Variants in HAO1 observed in about 807,000 individuals in gnomAD.
HAO1 encodes 2-Hydroxyacid oxidase 1.
A neutral mutation model predicts 39.7 loss-of-function variants in HAO1; 34 were observed. The observed-to-expected ratio is 0.86, with a 90% CI of 0.65 to 1.14. The LOEUF (loss-of-function observed/expected upper bound fraction) is 1.14. Among genes scored for constraint, HAO1 ranks in the 50% most tolerant of loss-of-function variants. The probability of loss-of-function intolerance (pLI) is 0.00; values close to 1 mark genes in which losing one functional copy is unlikely to be tolerated. For synonymous variants in HAO1, 172 were observed against 173.2 expected, an observed-to-expected ratio of 0.99 and a Z score of 0.05; for missense variants, 479 against 464.5, an observed-to-expected ratio of 1.03 and a Z score of -0.29.
chr20:7,934,515 A>C lies in HAO1; in HGVS notation c.258T>G (p.Ala86=). 1 of 1,612,342 alleles carries C rather than the reference A, an allele frequency of 6.2e-7. No homozygotes were observed. Among genetic ancestry groups the C allele is most frequent in the Non-Finnish European group, 8.5e-7 (1 of 1,179,138 alleles). The change falls in exon 2 of 8, where the codon GCT becomes GCG. Residue 86 remains alanine, a synonymous_variant. Transcript: ENST00000378789. The part of the protein sequence containing the change: ...CVGATAMQRM[A]HVDGELATVR... ...CAGTGGCAAGCTCGCCGTCCACATG[A>C]GCCATGCGCTGCATGGCCGTAGCCC...
chr20:7,904,404 G>A (rs2050237928), intron 4 of HAO1, among the ~76,000 whole-genome samples: 1 of 152,174 alleles, frequency 6.6e-6, no homozygotes, highest in South Asian at 2.1e-4. Flanking sequence ...ACACTTCAGT[G>A]GTTCTCAGCC....
At chr20:7,935,906 G>T (rs2050407795) in intron 1 of HAO1, among the ~76,000 whole-genome samples, 1 of 151,948 alleles carries the variant, frequency 6.6e-6, no homozygotes, top group Non-Finnish European at 1.5e-5. Flanking sequence ...TATCTAACCA[G>T]CATTCACCTA....
chr20:7,900,655 G>C (rs1248728285), intron 4 of HAO1, among the ~76,000 whole-genome samples: 1 of 152,000 alleles, frequency 6.6e-6, no homozygotes, highest in Non-Finnish European at 1.5e-5. Flanking sequence ...CTGGCCATTC[G>C]CCCATCTCTC....
chr20:7,895,958 G>A (rs538883940), intron 4 of HAO1, among the ~76,000 whole-genome samples: 20 of 152,220 alleles, frequency 1.3e-4, no homozygotes, highest in Non-Finnish European at 2.4e-4. Flanking sequence ...TGTAGTCCCA[G>A]CTACTCAGGA....
chr20:7,910,078 T>A (rs931476663), intron 3 of HAO1, among the ~76,000 whole-genome samples: 3 of 152,220 alleles, frequency 2.0e-5, no homozygotes. Context: ...ATTTTATCGA[T>A]TGAGTCAACA....
chr20:7,937,407 G>A (rs2254923), intron 1 of HAO1, among the ~76,000 whole-genome samples: 11,156 of 151,734 alleles, frequency 0.074, 526 homozygotes, highest in East Asian at 0.2. Flanking sequence ...TTCACCTATT[G>A]TGGATACTAG....
At chr20:7,916,535 C>T (rs2050307796) in intron 2 of HAO1, among the ~76,000 whole-genome samples, 1 of 152,162 alleles carries the variant, frequency 6.6e-6, no homozygotes, top group African/African-American at 2.4e-5. Context: ...ATTTCTGGGT[C>T]CCACCCACAG....
intron 4 of HAO1, among the ~76,000 whole-genome samples, chr20:7,904,886 A>T (rs2050240141): frequency 6.6e-6 from 1 of 152,230 alleles, no homozygotes; most frequent in Non-Finnish European, 1.5e-5. Context: ...TAGCACTAGT[A>T]ATCATGGATA....
intron 4 of HAO1, among the ~76,000 whole-genome samples, chr20:7,904,371 A>T (rs2050237791): frequency 6.6e-6 from 1 of 152,214 alleles, no homozygotes. Context: ...TGCTTATATG[A>T]TGAGGTTGCT....
At chr20:7,930,066 C>T (rs905346783) in intron 2 of HAO1, among the ~76,000 whole-genome samples, 8 of 152,086 alleles carry the variant, frequency 5.3e-5, no homozygotes, top group Non-Finnish European at 5.9e-5. Context: ...CAGGCCAGAC[C>T]ATTGCCTGTG....
At chr20:7,927,274 T>C (rs79679610) in intron 2 of HAO1, among the ~76,000 whole-genome samples, 1,525 of 152,274 alleles carry the variant, frequency 0.01, 25 homozygotes, top group African/African-American at 0.033. Context: ...CCACCTATTT[T>C]ATATGTGTTA....
At chr20:7,910,605 C>G (rs1183410416) in intron 3 of HAO1, among the ~76,000 whole-genome samples, 4 of 152,128 alleles carry the variant, frequency 2.6e-5, no homozygotes, top group Non-Finnish European at 5.9e-5. Flanking sequence ...ATCTCTTTCT[C>G]TGACTCTGAC....
At position 7,883,368 on chromosome 20, in the gene HAO1, A is replaced by G. The variant is rs754640718; in HGVS notation, c.*225T>C. The G allele has an allele frequency of 9.1e-6, 5 of 549,340 alleles. No individual in the cohort carries two copies. Among genetic ancestry groups the G allele is most frequent in the African/African-American group, 1.9e-5 (1 of 53,170 alleles). 34.0% of individuals were successfully genotyped at this position (549,340 alleles called of 1,614,324 possible). ...CAATGTTTTCTTTTTAACAGTTAAT[A>G]TATTTCCAGGATGAAAGTCCATTTC... is the stretch of plus-strand genomic sequence containing the variant. On this transcript the variant is annotated 3_prime_UTR_variant, in exon 8 of 8. Coordinates refer to ENST00000378789, the MANE Select transcript of HAO1 (RefSeq NM_017545.3).
chr20:7,924,865 A>G lies in HAO1; in HGVS notation c.289+9619T>C, dbSNP rs372669878. On this transcript the variant is annotated intron_variant, in intron 2 of 7. Transcript: ENST00000378789. ...TTAGTCATCAAAACAGCTGCACTGAAAATAATTTTGTTGAGAAAACGCATT... is the reference window on the plus strand; with the variant it reads ...TTAGTCATCAAAACAGCTGCACTGAGAATAATTTTGTTGAGAAAACGCATT... Among the ~76,000 whole-genome samples the G allele has an allele frequency of 1.3e-3, 195 of 152,276 alleles. 1 individual carries two copies. The highest frequency in any genetic ancestry group is 4.4e-3 in the African/African-American group (184 of 41,560).
At chr20:7,901,362 A>G (rs891179660) in intron 4 of HAO1, among the ~76,000 whole-genome samples, 14 of 152,298 alleles carry the variant, frequency 9.2e-5, no homozygotes, top group African/African-American at 3.4e-4. Flanking sequence ...TAGGACTTTC[A>G]TAGCTAGAGA....
intron 5 of HAO1, among the ~76,000 whole-genome samples, chr20:7,891,001 T>C (rs1040330161): frequency 1.3e-5 from 2 of 152,216 alleles, no homozygotes; most frequent in Admixed American, 1.3e-4. Context: ...TGTGCTTCTA[T>C]AAATATGTGT....
At chr20:7,915,926 T>C (rs2050304922) in intron 2 of HAO1, among the ~76,000 whole-genome samples, 2 of 152,124 alleles carry the variant, frequency 1.3e-5, no homozygotes, top group African/African-American at 2.4e-5. Flanking sequence ...TTTTAAAATT[T>C]TGTCTTTCAA....
At chr20:7,895,071 T>C (rs769172299) in intron 5 of HAO1, 62 bp downstream of exon 5, 1 of 993,930 alleles carries the variant, frequency 1.0e-6, no homozygotes, top group Non-Finnish European at 1.6e-6. Context: ...GACATAGAGA[T>C]AGTAACACAG....
intron 2 of HAO1, among the ~76,000 whole-genome samples, chr20:7,917,526 G>A (rs1243612500): frequency 2.6e-5 from 4 of 151,980 alleles, no homozygotes; most frequent in African/African-American, 7.3e-5. Context: ...CAATATTTCA[G>A]GGCAGTGACA....
Sources: gnomAD v4.1 joint callset for allele counts (sites outside exome capture counted in the v4.1 genomes callset) on GRCh38, gnomAD v4.1.1 for gene constraint, MANE v1.5 for transcripts, NCBI Gene and HGNC (gene_info 2026-07-23, HGNC 2026-07-21) for gene names.